The following LOC128462377 variants were observed in gnomAD, a reference collection of about 807,000 sequenced individuals.
chr16:89,387,243 G>A, the LOC128462377 span, among the ~76,000 whole-genome samples: 4 of 150,278 alleles, frequency 2.7e-5, no homozygotes, highest in African/African-American at 4.9e-5. Flanking sequence ...AAAAAAAAAA[G>A]CATCTCTCAA....
At chr16:89,331,996 T>A in the LOC128462377 span, among the ~76,000 whole-genome samples, 1 of 152,072 alleles carries the variant, frequency 6.6e-6, no homozygotes, top group Admixed American at 6.6e-5. Context: ...AAAAAAAATT[T>A]AAAAACTCAG....
At chr16:89,404,160 A>C in the LOC128462377 span, among the ~76,000 whole-genome samples, 1 of 152,202 alleles carries the variant, frequency 6.6e-6, no homozygotes, top group East Asian at 1.9e-4. Flanking sequence ...TCATGGACAC[A>C]GCCCACAGGT....
At chr16:89,356,239 T>C in the LOC128462377 span, among the ~76,000 whole-genome samples, 2 of 152,056 alleles carry the variant, frequency 1.3e-5, no homozygotes, top group Non-Finnish European at 2.9e-5. Context: ...TTTTAAAAAC[T>C]GATTACAGAC....
the LOC128462377 span, chr16:89,324,281 C>G: frequency 7.2e-6 from 9 of 1,249,804 alleles, no homozygotes; most frequent in African/African-American, 1.1e-4. Context: ...GAGCCCCGTG[C>G]TCCGGAACAC....
At chr16:89,374,809 C>A in the LOC128462377 span, among the ~76,000 whole-genome samples, 1 of 152,276 alleles carries the variant, frequency 6.6e-6, no homozygotes, top group East Asian at 1.9e-4. Flanking sequence ...CCGAACACCA[C>A]GGCTTGGCTG....
the LOC128462377 span, among the ~76,000 whole-genome samples, chr16:89,368,381 T>TTG: frequency 8.1e-6 from 1 of 124,040 alleles, no homozygotes; most frequent in African/African-American, 3.9e-5. Flanking sequence ...GTTTTTTTTT[T>TTG]TTTTTTTTTT....
chr16:89,368,373 T>G, the LOC128462377 span, among the ~76,000 whole-genome samples: 109 of 6,308 alleles, frequency 0.017, no homozygotes, highest in South Asian at 0.065. Context: ...ATTTTTGTGT[T>G]TTTTTTTTTT....
the LOC128462377 span, among the ~76,000 whole-genome samples, chr16:89,340,360 C>A: frequency 6.6e-6 from 1 of 152,248 alleles, no homozygotes; most frequent in Non-Finnish European, 1.5e-5. Flanking sequence ...TCACTGCAAC[C>A]TCCACCTCCC....
the LOC128462377 span, among the ~76,000 whole-genome samples, chr16:89,359,817 T>C: frequency 6.6e-6 from 1 of 152,236 alleles, no homozygotes. Context: ...ATAGTTTTTA[T>C]TCAATTCTTG....
chr16:89,381,803 C>G, the LOC128462377 span, among the ~76,000 whole-genome samples: 3 of 152,194 alleles, frequency 2.0e-5, no homozygotes, highest in Non-Finnish European at 4.4e-5. Context: ...AGCACATTGA[C>G]CCCACGCGAA....
the LOC128462377 span, among the ~76,000 whole-genome samples, chr16:89,335,402 G>A: frequency 6.6e-6 from 1 of 152,232 alleles, no homozygotes; most frequent in African/African-American, 2.4e-5. Context: ...GGAGCAGCTT[G>A]AGGCCTCTGC....
chr16:89,352,496 C>T, the LOC128462377 span, among the ~76,000 whole-genome samples: 1 of 152,112 alleles, frequency 6.6e-6, no homozygotes, highest in African/African-American at 2.4e-5. Context: ...AAGGCTCACA[C>T]CCTTCAGAGC....
chr16:89,357,350 C>T, the LOC128462377 span, among the ~76,000 whole-genome samples: 7 of 152,254 alleles, frequency 4.6e-5, no homozygotes, highest in East Asian at 5.8e-4. Flanking sequence ...TGCCAGTCTC[C>T]AGCACCTCAC....
At chr16:89,353,352 G>C in the LOC128462377 span, among the ~76,000 whole-genome samples, 2 of 144,710 alleles carry the variant, frequency 1.4e-5, no homozygotes, top group Non-Finnish European at 3.0e-5. Flanking sequence ...CAAAAAAAAA[G>C]AGAGAGAGAG....
At chr16:89,392,612 G>A in the LOC128462377 span, 1 of 151,602 alleles carries the variant, frequency 6.6e-6, no homozygotes. Context: ...TGTCTTGGTT[G>A]TCCCTCAGAT....
the LOC128462377 span, among the ~76,000 whole-genome samples, chr16:89,367,126 C>T: frequency 6.6e-6 from 1 of 152,188 alleles, no homozygotes; most frequent in Non-Finnish European, 1.5e-5. Context: ...ACTACCTCAA[C>T]TCTCCACCCC....
the LOC128462377 span, among the ~76,000 whole-genome samples, chr16:89,397,023 A>AT: frequency 0.073 from 10,697 of 147,140 alleles, 506 homozygotes; most frequent in East Asian, 0.21. Context: ...AAAATACAGG[A>AT]TTTTTTTTTT....
the LOC128462377 span, among the ~76,000 whole-genome samples, chr16:89,373,946 G>C: frequency 1.3e-5 from 2 of 152,222 alleles, no homozygotes; most frequent in African/African-American, 4.8e-5. Context: ...TGACCACCAA[G>C]CGGGCTGGGG....
chr16:89,320,594 T>G, the LOC128462377 span, among the ~76,000 whole-genome samples: 15 of 152,138 alleles, frequency 9.9e-5, no homozygotes, highest in Non-Finnish European at 1.9e-4. Flanking sequence ...CTTCGTGGAC[T>G]GTCAGGGTCA....
Sources: gnomAD v4.1 joint callset for allele counts (sites outside exome capture counted in the v4.1 genomes callset) on GRCh38, gnomAD v4.1.1 for gene constraint, MANE v1.5 for transcripts.